PCDHA13: variants seen among roughly 807,000 people sequenced by gnomAD.
PCDHA13 encodes the protein protocadherin alpha-13.
A neutral mutation model predicts 64.8 loss-of-function variants in PCDHA13; 54 were observed. The ratio of observed to expected loss-of-function variants is 0.83; its 90% CI spans 0.67 to 1.04. The LOEUF (loss-of-function observed/expected upper bound fraction) is 1.04. Among genes scored for constraint, PCDHA13 ranks in the 50% least tolerant of loss-of-function variants. PCDHA13 has a pLI of 0.00. For missense variants in PCDHA13, 1,248 were observed against 1,254.3 expected, an observed-to-expected ratio of 0.99 and a Z score of 0.08; for synonymous variants, 587 against 564.4, an observed-to-expected ratio of 1.04 and a Z score of -0.57.
At chr5:140,889,503 C>G (rs2062252341) in intron 1 of PCDHA13, among the ~76,000 whole-genome samples, 2 of 151,950 alleles carry the variant, frequency 1.3e-5, no homozygotes, top group Admixed American at 1.3e-4. Context: ...AGTGATATTT[C>G]CCTTTCCATT....
chr5:140,961,648 G>A (rs367674015), intron 1 of PCDHA13, among the ~76,000 whole-genome samples: 1 of 152,156 alleles, frequency 6.6e-6, no homozygotes, highest in African/African-American at 2.4e-5. Flanking sequence ...AGTCTATGTG[G>A]TTAGTTTGAA....
At chr5:140,933,003 G>A (rs1466484630) in intron 1 of PCDHA13, among the ~76,000 whole-genome samples, 5 of 151,902 alleles carry the variant, frequency 3.3e-5, no homozygotes, top group East Asian at 1.9e-4. Flanking sequence ...TATGAATATC[G>A]GAAATATTAA....
At chr5:140,966,796 G>A (rs1255615650) in intron 1 of PCDHA13, 8 of 1,535,610 alleles carry the variant, frequency 5.2e-6, no homozygotes, top group African/African-American at 1.4e-5. Flanking sequence ...GACCTGCGGC[G>A]ACAGAGCATC....
chr5:140,996,262 C>G (rs943119390), intron 3 of PCDHA13, among the ~76,000 whole-genome samples: 1 of 152,182 alleles, frequency 6.6e-6, no homozygotes. Flanking sequence ...CAACACAGAG[C>G]CTGGGATTGC....
intron 1 of PCDHA13, among the ~76,000 whole-genome samples, chr5:140,914,941 T>C (rs1554196635): frequency 6.9e-6 from 1 of 145,614 alleles, no homozygotes; most frequent in Non-Finnish European, 1.5e-5. Flanking sequence ...TGTGAAAAGT[T>C]GTCTTTTTTT....
chr5:140,926,665 G>C, intron 1 of PCDHA13: 1 of 538,906 alleles, frequency 1.9e-6, no homozygotes, highest in Non-Finnish European at 2.9e-6. Context: ...TTTCCCAGAC[G>C]GCTGCCCAGC....
chr5:140,914,724 G>A (rs923867157), intron 1 of PCDHA13, among the ~76,000 whole-genome samples: 1 of 150,732 alleles, frequency 6.6e-6, no homozygotes, highest in Non-Finnish European at 1.5e-5. Flanking sequence ...TTTATTTTTT[G>A]TGTATCCATT....
chr5:140,888,494 T>C (rs1554183489), intron 1 of PCDHA13, among the ~76,000 whole-genome samples: 1 of 152,236 alleles, frequency 6.6e-6, no homozygotes, highest in Non-Finnish European at 1.5e-5. Context: ...GAAACTCTGC[T>C]TTAAAGAGTC....
Position 140,884,066 on chromosome 5 carries a change from G to A in PCDHA13, c.1798G>A (p.Asp600Asn). 6.2e-7 allele frequency: 1 copy of A among 1,613,512 alleles called. No homozygotes were observed. Among genetic ancestry groups the A allele is most frequent in the South Asian group, 1.1e-5 (1 of 91,060 alleles). Residue 600 changes from aspartate (D) to asparagine (N), a missense_variant, in exon 1 of 4, where the codon GAT becomes AAT. Physicochemically the swap from Asp to Asn is conservative, Grantham distance 23. Coordinates refer to ENST00000289272, the MANE Select transcript of PCDHA13 (RefSeq NM_018904.3). Reference protein sequence around the residue: ...VVAKVRAVDADSGYNAWLSYE... With the variant: ...VVAKVRAVDANSGYNAWLSYE... ...GGCGAAGGTGCGCGCGGTGGACGCC[G>A]ATTCGGGCTACAATGCGTGGCTTTC...
intron 1 of PCDHA13, among the ~76,000 whole-genome samples, chr5:140,935,636 G>A (rs1554210607): frequency 6.6e-6 from 1 of 152,052 alleles, no homozygotes; most frequent in African/African-American, 2.4e-5. Context: ...TTTAGGGCTT[G>A]CTTTTTAAAT....
chr5:140,890,097 C>G (rs1554184163), intron 1 of PCDHA13, among the ~76,000 whole-genome samples: 1 of 152,136 alleles, frequency 6.6e-6, no homozygotes, highest in African/African-American at 2.4e-5. Context: ...AATTTATTCC[C>G]AACTCTGGAT....
rs193081186 is a variant in PCDHA13, at chr5:140,886,365, A to G, written c.2394+1703A>G. Among the ~76,000 whole-genome samples the G allele has an allele frequency of 3.1e-3, 466 of 152,304 alleles. 3 individuals carry two copies. Among genetic ancestry groups the G allele is most frequent in the Middle Eastern group, 0.014 (4 of 294 alleles). On this transcript the variant is annotated intron_variant, in intron 1 of 3. Transcript: ENST00000289272. Reference sequence around the variant, plus strand: ...GTGCAGGTTTGTTACATAGGTGTACATGCCATGGTGTGCTTATCTATTATC... The same window carrying G: ...GTGCAGGTTTGTTACATAGGTGTACGTGCCATGGTGTGCTTATCTATTATC...
intron 1 of PCDHA13, among the ~76,000 whole-genome samples, chr5:140,915,632 CT>C (rs782761734): frequency 6.2e-5 from 9 of 144,496 alleles, no homozygotes; most frequent in Non-Finnish European, 1.3e-4. Context: ...TTCTGTCTCT[CT>C]CTCTCTCTCT....
At position 140,917,487 on chromosome 5, in the gene PCDHA13, A is replaced by T. The variant is rs1303002890; in HGVS notation, c.2394+32825A>T. Among the ~76,000 whole-genome samples, 3 of 152,232 alleles carry T rather than the reference A, an allele frequency of 2.0e-5. No individual in the cohort carries two copies. The East Asian group carries it at 5.8e-4, about 29-fold the overall frequency. The stretch of plus-strand genomic sequence containing the variant: ...TGTCATGAAATCTTTGCCAGGGCCT[A>T]TGCCCAGAATGATATTTTCTAGGTT... On this transcript the variant is annotated intron_variant, in intron 1 of 3. Coordinates refer to ENST00000289272, the MANE Select transcript of PCDHA13 (RefSeq NM_018904.3).
intron 1 of PCDHA13, among the ~76,000 whole-genome samples, chr5:140,921,678 A>C (rs2080326339): frequency 6.6e-6 from 1 of 152,222 alleles, no homozygotes; most frequent in South Asian, 2.1e-4. Context: ...AGTTATCATC[A>C]AACACTGGCC....
intron 3 of PCDHA13, among the ~76,000 whole-genome samples, chr5:140,999,125 G>C (rs1554256627): frequency 6.6e-6 from 1 of 152,152 alleles, no homozygotes; most frequent in South Asian, 2.1e-4. Context: ...TTCTAAGCTG[G>C]AAAATGTCAC....
intron 1 of PCDHA13, among the ~76,000 whole-genome samples, chr5:140,910,545 A>T (rs551984797): frequency 1.3e-5 from 2 of 152,316 alleles, no homozygotes; most frequent in East Asian, 1.9e-4. Context: ...TCTATTTTGC[A>T]AAGTATTAGT....
chr5:140,927,306 G>T (rs782091835), intron 1 of PCDHA13: 10 of 1,614,040 alleles, frequency 6.2e-6, no homozygotes, highest in Non-Finnish European at 5.9e-6. Context: ...AGTTCCTGAC[G>T]CCCGGAGCCC....
In PCDHA13 at chr5:140,982,560, C is replaced by T. The variant is rs782437404; in HGVS notation, c.2539C>T (p.Pro847Ser). 6.2e-7 allele frequency: 1 copy of T among 1,614,098 alleles called. No homozygotes were observed. Among genetic ancestry groups the T allele is most frequent in the Admixed American group, 1.7e-5 (1 of 60,022 alleles). ...GTGGCCAACAGTATCCAGTGCAACA[C>T]CAGGTAAAGAGCTGGGGTCTCTCCA... ...QQWPTVSSAT[P>S]EPEAGEVSPP... The change falls in exon 3 of 4, where the codon CCA (proline) becomes TCA (serine). Residue 847 changes from proline (P) to serine (S), a missense_variant. Coordinates refer to ENST00000289272, the MANE Select transcript of PCDHA13 (RefSeq NM_018904.3).
Sources: allele counts gnomAD v4.1 joint callset (sites outside exome capture counted in the v4.1 genomes callset), GRCh38; gene constraint gnomAD v4.1.1; transcripts MANE v1.5; gene names NCBI Gene and HGNC (gene_info 2026-07-23, HGNC 2026-07-21).